Variants in FSHR observed in about 807,000 individuals in gnomAD.
FSHR encodes the protein follicle stimulating hormone receptor.
FSHR carries 46 observed loss-of-function variants against 52.1 expected under a neutral mutation model. The ratio of observed to expected loss-of-function variants is 0.88; its 90% CI spans 0.70 to 1.13. FSHR has a LOEUF of 1.13. FSHR is among the 50% of genes most tolerant of loss of function. The pLI is 0.00. For synonymous variants in FSHR, 399 were observed against 309.6 expected (o/e 1.29, Z -3.03); for missense variants, 964 against 834.6 (o/e 1.16, Z -1.91).
At chr2:48,977,822 A>C (rs1239174008) in intron 8 of FSHR, among the ~76,000 whole-genome samples, 2 of 152,174 alleles carry the variant, frequency 1.3e-5, no homozygotes, top group Non-Finnish European at 2.9e-5. Context: ...GTGCTTGAGA[A>C]TGTTTACTTT....
At chr2:49,123,390 G>A (rs1671887580) in intron 1 of FSHR, among the ~76,000 whole-genome samples, 1 of 152,126 alleles carries the variant, frequency 6.6e-6, no homozygotes, top group Non-Finnish European at 1.5e-5. Context: ...GGGAGGCTGA[G>A]GTAGGAGTAT....
At chr2:48,973,252 C>CCACA (rs532156869) in intron 8 of FSHR, among the ~76,000 whole-genome samples, 10 of 135,850 alleles carry the variant, frequency 7.4e-5, no homozygotes, top group African/African-American at 2.9e-4. Flanking sequence ...AGAGAAGACA[C>CCACA]CACACACACA....
At chr2:49,031,939 CTA>C (rs1204135953) in intron 2 of FSHR, among the ~76,000 whole-genome samples, 1 of 152,136 alleles carries the variant, frequency 6.6e-6, no homozygotes, top group African/African-American at 2.4e-5. Flanking sequence ...AGTCTAGTGA[CTA>C]TAAATCCCTT....
intron 2 of FSHR, among the ~76,000 whole-genome samples, chr2:49,021,886 T>TATATATATATATAG (rs1273265515): frequency 1.1e-3 from 27 of 25,114 alleles, no homozygotes; most frequent in Non-Finnish European, 1.7e-3. Flanking sequence ...TATATATATA[T>TATATATATATATAG]AGAGAGAGAG....
chr2:49,020,038 G>T (rs371646619), intron 3 of FSHR, 48 bp downstream of exon 3: 7 of 1,514,876 alleles, frequency 4.6e-6, no homozygotes, highest in Non-Finnish European at 6.4e-6. Flanking sequence ...AACTTTAAGG[G>T]TTTTTTCAAG....
chr2:49,059,994 T>A (rs1377540663), intron 2 of FSHR, among the ~76,000 whole-genome samples: 1 of 151,154 alleles, frequency 6.6e-6, no homozygotes, highest in Non-Finnish European at 1.5e-5. Flanking sequence ...TATAAGAAAC[T>A]CAAACAAAAA....
chr2:48,995,960 A>G (rs535713096), intron 4 of FSHR, among the ~76,000 whole-genome samples: 2 of 152,260 alleles, frequency 1.3e-5, no homozygotes, highest in South Asian at 2.1e-4. Flanking sequence ...CACAGAGTTC[A>G]TGCTATGGCT....
Position 49,154,423 on chromosome 2 carries a change from T to C in FSHR, c.-6A>G, listed in dbSNP as rs1259005018. The C allele has an allele frequency of 1.2e-6, 2 of 1,612,110 alleles. No individual in the cohort carries two copies. The highest frequency in any genetic ancestry group is 2.2e-5 in the East Asian group (1 of 44,836). On this transcript the variant is annotated 5_prime_UTR_variant, in exon 1 of 10. Coordinates refer to ENST00000406846, the MANE Select transcript of FSHR (RefSeq NM_000145.4). Reference sequence around the variant, plus strand: ...GAGACCAGGAGCAGGGCCATAATTATGCATCCATCCACCTGATTTCTTCCT... The same window carrying C: ...GAGACCAGGAGCAGGGCCATAATTACGCATCCATCCACCTGATTTCTTCCT...
chr2:49,004,275 T>G (rs1451959755), intron 4 of FSHR, among the ~76,000 whole-genome samples: 1 of 152,210 alleles, frequency 6.6e-6, no homozygotes, highest in Admixed American at 6.5e-5. Context: ...TGACTGTCCT[T>G]TAGCTCTAGG....
At chr2:49,087,098 T>TTTTTTTTTC (rs1553342899) in intron 1 of FSHR, among the ~76,000 whole-genome samples, 1 of 146,958 alleles carries the variant, frequency 6.8e-6, no homozygotes, top group African/African-American at 2.5e-5. Flanking sequence ...TTTTTTTTTT[T>TTTTTTTTTC]ACAAAGCTAC....
chr2:48,963,734 T>C lies in FSHR; in HGVS notation c.1087A>G (p.Asn363Asp), dbSNP rs991651509. Residue 363 changes from asparagine (N) to aspartate (D), a missense_variant, in exon 10 of 10, where the codon AAC becomes GAC. Coordinates refer to ENST00000406846, the MANE Select transcript of FSHR (RefSeq NM_000145.4). ...FNPCEDIMGY[N>D]ILRVLIWFIS... ...AACCATATCAGGACTCTGAGGATGTTGTACCCCATGATATCTTCACATGGG... is the reference window on the plus strand; with the variant it reads ...AACCATATCAGGACTCTGAGGATGTCGTACCCCATGATATCTTCACATGGG... The C allele has an allele frequency of 7.4e-6, 12 of 1,614,058 alleles. No homozygotes were observed. Among genetic ancestry groups the C allele is most frequent in the Non-Finnish European group, 9.3e-6 (11 of 1,180,020 alleles).
At chr2:49,076,773 A>G (rs1028064639) in intron 1 of FSHR, among the ~76,000 whole-genome samples, 1 of 152,208 alleles carries the variant, frequency 6.6e-6, no homozygotes, top group African/African-American at 2.4e-5. Flanking sequence ...GCCATTCCAA[A>G]TGAGAGAAAG....
At chr2:48,979,948 G>C (rs1675172915) in intron 8 of FSHR, among the ~76,000 whole-genome samples, 1 of 152,130 alleles carries the variant, frequency 6.6e-6, no homozygotes, top group South Asian at 2.1e-4. Flanking sequence ...ATCACCTGAG[G>C]TGGGCTGGTC....
At chr2:49,005,653 C>G (rs1349749544) in intron 4 of FSHR, among the ~76,000 whole-genome samples, 1 of 152,112 alleles carries the variant, frequency 6.6e-6, no homozygotes, top group South Asian at 2.1e-4. Flanking sequence ...TCACTGCAAC[C>G]ACTTAGATGG....
intron 1 of FSHR, among the ~76,000 whole-genome samples, chr2:49,081,941 A>T (rs1290822107): frequency 6.6e-6 from 1 of 152,188 alleles, no homozygotes; most frequent in Non-Finnish European, 1.5e-5. Flanking sequence ...CTGCCTTTTT[A>T]TGATGGCCCA....
chr2:49,116,860 G>T (rs1040918771), intron 1 of FSHR, among the ~76,000 whole-genome samples: 1 of 152,066 alleles, frequency 6.6e-6, no homozygotes, highest in African/African-American at 2.4e-5. Flanking sequence ...CTGCTTTGTT[G>T]GCTCAATTAG....
At chr2:49,012,015 G>A (rs989710674) in intron 4 of FSHR, among the ~76,000 whole-genome samples, 1 of 152,054 alleles carries the variant, frequency 6.6e-6, no homozygotes, top group Non-Finnish European at 1.5e-5. Context: ...CCCACCTGAA[G>A]AAAGCACATG....
At chr2:49,038,399 A>T (rs1668351893) in intron 2 of FSHR, among the ~76,000 whole-genome samples, 1 of 151,978 alleles carries the variant, frequency 6.6e-6, no homozygotes, top group Admixed American at 6.6e-5. Flanking sequence ...AGGCGGGCGG[A>T]TCACGAGGTC....
intron 3 of FSHR, among the ~76,000 whole-genome samples, chr2:49,018,125 G>A (rs3788983): frequency 0.35 from 53,589 of 152,050 alleles, 11,225 homozygotes; most frequent in African/African-American, 0.58. Context: ...AAAAACAATC[G>A]ATATCTTTTT....
Sources: gnomAD v4.1 joint callset for allele counts (sites outside exome capture counted in the v4.1 genomes callset) on GRCh38, gnomAD v4.1.1 for gene constraint, MANE v1.5 for transcripts, NCBI Gene and HGNC (gene_info 2026-07-23, HGNC 2026-07-21) for gene names.